Variants in KLF12 observed in about 807,000 individuals in gnomAD.
KLF12 encodes the protein Krueppel-like factor 12.
KLF12 carries 9 observed loss-of-function variants against 37.8 expected under a neutral mutation model. The ratio of observed to expected loss-of-function variants is 0.24; its 90% CI spans 0.14 to 0.42. The LOEUF (loss-of-function observed/expected upper bound fraction) is 0.42, where lower values mean the gene tolerates loss of function less well. Ranked by LOEUF, KLF12 falls within the 10% of genes least tolerant of loss-of-function variation. The pLI, the probability that KLF12 is intolerant of heterozygous loss-of-function variation, is 1.00. For missense variants in KLF12, 411 were observed against 516.0 expected (o/e 0.80, Z 1.97); for synonymous variants, 208 against 202.1 (o/e 1.03, Z -0.25).
chr13:73,801,011 C>T (rs536937230), intron 5 of KLF12: 6 of 152,140 alleles, frequency 3.9e-5, no homozygotes, highest in African/African-American at 7.2e-5. Flanking sequence ...AACCAGCTGA[C>T]GACCCTTGGC....
chr13:73,921,913 G>A (rs1405532897), intron 3 of KLF12, among the ~76,000 whole-genome samples: 2 of 152,114 alleles, frequency 1.3e-5, no homozygotes, highest in South Asian at 2.1e-4. Flanking sequence ...CACACCTAGA[G>A]ATTACAAAGG....
chr13:74,066,465 T>C (rs1002148876), intron 1 of KLF12, among the ~76,000 whole-genome samples: 3 of 151,976 alleles, frequency 2.0e-5, no homozygotes, highest in Non-Finnish European at 4.4e-5. Flanking sequence ...AGTTCAAGAC[T>C]AGCCTGGGCA....
intron 5 of KLF12, among the ~76,000 whole-genome samples, chr13:73,778,971 T>C (rs1165586112): frequency 1.3e-5 from 2 of 152,214 alleles, no homozygotes; most frequent in Non-Finnish European, 2.9e-5. Flanking sequence ...GTGGTGCTGT[T>C]TGCAGTTAAG....
At chr13:73,783,973 G>A (rs1008571283) in intron 5 of KLF12, among the ~76,000 whole-genome samples, 3 of 152,058 alleles carry the variant, frequency 2.0e-5, no homozygotes, top group Non-Finnish European at 2.9e-5. Context: ...TCCACAGAAC[G>A]CTGCTCAATG....
intron 1 of KLF12, among the ~76,000 whole-genome samples, chr13:74,075,124 G>A (rs1039595512): frequency 6.6e-6 from 1 of 152,160 alleles, no homozygotes; most frequent in African/African-American, 2.4e-5. Context: ...GGAAGAAAGG[G>A]ACAAGAAGGA....
chr13:73,796,699 G>T (rs556852588), intron 5 of KLF12, among the ~76,000 whole-genome samples: 37 of 152,180 alleles, frequency 2.4e-4, no homozygotes, highest in Non-Finnish European at 4.9e-4. Context: ...CTTTGAGCTA[G>T]CAATCCCCTT....
At chr13:74,254,609 G>A in the KLF12 span, among the ~76,000 whole-genome samples, 1 of 152,118 alleles carries the variant, frequency 6.6e-6, no homozygotes, top group Non-Finnish European at 1.5e-5. Context: ...TCTGTCCATT[G>A]CCTGCTGAAT....
chr13:74,033,022 T>C (rs770336868), intron 1 of KLF12, among the ~76,000 whole-genome samples: 9 of 152,190 alleles, frequency 5.9e-5, no homozygotes, highest in Non-Finnish European at 1.2e-4. Context: ...ATGGGTGTTA[T>C]AAAAAATGCC....
intron 3 of KLF12, among the ~76,000 whole-genome samples, chr13:73,863,119 A>T (rs1886009909): frequency 6.6e-6 from 1 of 152,146 alleles, no homozygotes; most frequent in South Asian, 2.1e-4. Context: ...GACTCATATT[A>T]AAATTCATTT....
At chr13:74,106,706 T>G (rs996728265) in intron 1 of KLF12, among the ~76,000 whole-genome samples, 1 of 152,100 alleles carries the variant, frequency 6.6e-6, no homozygotes, top group Non-Finnish European at 1.5e-5. Context: ...AAACAGATGA[T>G]CATTAGACAC....
At chr13:74,053,437 CCCA>C (rs749733144) in intron 1 of KLF12, among the ~76,000 whole-genome samples, 108 of 152,260 alleles carry the variant, frequency 7.1e-4, no homozygotes, top group Middle Eastern at 3.4e-3. Context: ...CTAAGTCCTT[CCCA>C]TGTATTAATT....
the KLF12 span, among the ~76,000 whole-genome samples, chr13:74,296,138 ACTT>A: frequency 7.2e-6 from 1 of 138,856 alleles, no homozygotes; most frequent in East Asian, 2.2e-4. Flanking sequence ...TTTTTGTAGC[ACTT>A]TTTTTTTTTT....
the KLF12 span, among the ~76,000 whole-genome samples, chr13:74,294,149 G>A: frequency 6.6e-6 from 1 of 152,220 alleles, no homozygotes; most frequent in Admixed American, 6.5e-5. Flanking sequence ...GCTGGTCTGT[G>A]AACCACACTT....
At chr13:73,952,073 T>C (rs534213470) in intron 2 of KLF12, among the ~76,000 whole-genome samples, 18 of 152,214 alleles carry the variant, frequency 1.2e-4, no homozygotes, top group Non-Finnish European at 2.5e-4. Flanking sequence ...ATTCCCCATA[T>C]TGGTGAACAA....
intron 4 of KLF12, among the ~76,000 whole-genome samples, chr13:73,832,097 A>G (rs1884190864): frequency 6.6e-6 from 1 of 152,208 alleles, no homozygotes; most frequent in African/African-American, 2.4e-5. Context: ...TATAAGTAAC[A>G]TAGAGTACAT....
At chr13:73,772,080 C>T (rs1294084126) in intron 5 of KLF12, among the ~76,000 whole-genome samples, 9 of 152,270 alleles carry the variant, frequency 5.9e-5, no homozygotes, top group African/African-American at 1.7e-4. Context: ...TCTAAGGAGT[C>T]GGGAACTGGG....
chr13:74,260,553 C>CTAAAA, the KLF12 span, among the ~76,000 whole-genome samples: 69 of 101,698 alleles, frequency 6.8e-4, no homozygotes, highest in Middle Eastern at 5.1e-3. Context: ...AACACTGTTT[C>CTAAAA]TAAAATAAAA....
intron 6 of KLF12, among the ~76,000 whole-genome samples, chr13:73,736,490 T>C (rs3812851): frequency 0.087 from 13,216 of 152,236 alleles, 665 homozygotes; most frequent in South Asian, 0.16. Flanking sequence ...AAAGTCACCA[T>C]TTTATACTTT....
intron 3 of KLF12, among the ~76,000 whole-genome samples, chr13:73,884,293 C>G (rs1887116103): frequency 6.6e-6 from 1 of 152,190 alleles, no homozygotes; most frequent in Non-Finnish European, 1.5e-5. Flanking sequence ...GGATCTGAAT[C>G]TTATTCATCT....
Sources: allele counts gnomAD v4.1 joint callset (sites outside exome capture counted in the v4.1 genomes callset), GRCh38; gene constraint gnomAD v4.1.1; transcripts MANE v1.5; gene names NCBI Gene and HGNC (gene_info 2026-07-23, HGNC 2026-07-21).